Variants in DLGAP1 observed in about 807,000 individuals in gnomAD.
The protein encoded by DLGAP1 is DLG associated protein 1.
A neutral mutation model predicts 90.8 loss-of-function variants in DLGAP1; 11 were observed. The ratio of observed to expected loss-of-function variants is 0.12; its 90% CI spans 0.08 to 0.20. The LOEUF (loss-of-function observed/expected upper bound fraction) is 0.20. Among genes scored for constraint, DLGAP1 ranks in the 10% least tolerant of loss-of-function variants. DLGAP1 has a pLI of 1.00. For synonymous variants in DLGAP1, 558 were observed against 540.7 expected (o/e 1.03, Z -0.44); for missense variants, 1,050 against 1,333.8 (o/e 0.79, Z 3.31).
At chr18:4,175,700 T>C (rs1015611284) in intron 1 of DLGAP1, among the ~76,000 whole-genome samples, 1 of 152,192 alleles carries the variant, frequency 6.6e-6, no homozygotes, top group Non-Finnish European at 1.5e-5. Context: ...CTTGTTTTTG[T>C]CAGGTTTGTC....
intron 7 of DLGAP1, chr18:3,596,815 C>T (rs374271910): frequency 4.2e-5 from 22 of 519,652 alleles, no homozygotes; most frequent in Non-Finnish European, 7.7e-5. Flanking sequence ...CAAAGCCATT[C>T]GCTGTGATCT....
chr18:4,081,245 G>A (rs766883693), intron 2 of DLGAP1, among the ~76,000 whole-genome samples: 4 of 151,608 alleles, frequency 2.6e-5, no homozygotes, highest in Non-Finnish European at 5.9e-5. Flanking sequence ...AACCCAGGCG[G>A]CGGAGGTTGT....
At chr18:4,353,494 T>A (rs1395748937) in intron 1 of DLGAP1, among the ~76,000 whole-genome samples, 1 of 152,186 alleles carries the variant, frequency 6.6e-6, no homozygotes, top group Non-Finnish European at 1.5e-5. Flanking sequence ...AGTTTTACGG[T>A]CTGGCTTTCT....
chr18:3,663,686 C>G (rs1203883217), intron 7 of DLGAP1, among the ~76,000 whole-genome samples: 1 of 152,194 alleles, frequency 6.6e-6, no homozygotes, highest in African/African-American at 2.4e-5. Flanking sequence ...CATATTGCTA[C>G]TGATCAGGAG....
intron 2 of DLGAP1, among the ~76,000 whole-genome samples, chr18:4,037,270 T>C (rs937998041): frequency 3.9e-5 from 6 of 152,172 alleles, no homozygotes; most frequent in African/African-American, 1.4e-4. Flanking sequence ...ATAATTAATA[T>C]TATTAATATG....
intron 1 of DLGAP1, among the ~76,000 whole-genome samples, chr18:4,250,242 C>T (rs1332636285): frequency 6.6e-6 from 1 of 152,138 alleles, no homozygotes; most frequent in Non-Finnish European, 1.5e-5. Flanking sequence ...AAACAGAAGG[C>T]CTTATTAACC....
chr18:3,602,842 A>T (rs2057136806), intron 7 of DLGAP1, among the ~76,000 whole-genome samples: 1 of 152,156 alleles, frequency 6.6e-6, no homozygotes, highest in African/African-American at 2.4e-5. Flanking sequence ...TGAAAAAGCA[A>T]CTATAAATAC....
chr18:3,503,642 C>T lies in DLGAP1; in HGVS notation c.2572-997G>A, dbSNP rs375991096. ...TGGACAGACTGTGAAACTCCATGTCCTATGATAACACGAGGCCAGTGTATG... is the reference window on the plus strand; with the variant it reads ...TGGACAGACTGTGAAACTCCATGTCTTATGATAACACGAGGCCAGTGTATG... On this transcript the variant is annotated intron_variant, in intron 11 of 12. Transcript: ENST00000315677. Among the ~76,000 whole-genome samples, 3 of 152,188 alleles carry T rather than the reference C, an allele frequency of 2.0e-5. No individual in the cohort carries two copies. The South Asian group carries it at 6.2e-4, about 31-fold the overall frequency.
At position 3,820,366 on chromosome 18, in the gene DLGAP1, A is replaced by G. The variant is rs12604405; in HGVS notation, c.958-6093T>C. Among the ~76,000 whole-genome samples the G allele has an allele frequency of 7.4e-3, 1,133 of 152,354 alleles. 69 individuals carry two copies. In the East Asian group the frequency reaches 0.16, roughly 21 times the overall value. On this transcript the variant is annotated intron_variant, in intron 4 of 12. Coordinates refer to ENST00000315677, the MANE Select transcript of DLGAP1 (RefSeq NM_004746.4). Reference sequence around the variant, plus strand: ...CTGATGAACCCAAGGCTGTGAGTACATAAAGCAAAGTTCTATTTCATCAGG... The same window carrying G: ...CTGATGAACCCAAGGCTGTGAGTACGTAAAGCAAAGTTCTATTTCATCAGG...
At chr18:3,634,938 G>A (rs1382357578) in intron 7 of DLGAP1, among the ~76,000 whole-genome samples, 2 of 152,120 alleles carry the variant, frequency 1.3e-5, no homozygotes, top group African/African-American at 2.4e-5. Context: ...TACATGAGGC[G>A]TGTTGAATAA....
intron 7 of DLGAP1, chr18:3,594,305 T>A (rs2056449187): frequency 6.6e-6 from 1 of 152,102 alleles, no homozygotes; most frequent in Admixed American, 6.6e-5. Flanking sequence ...AAATGGACTT[T>A]TTTTTAAAGC....
At chr18:3,762,952 C>T (rs1202168597) in intron 5 of DLGAP1, among the ~76,000 whole-genome samples, 2 of 152,198 alleles carry the variant, frequency 1.3e-5, no homozygotes, top group Non-Finnish European at 2.9e-5. Context: ...TTATCATCCA[C>T]ATTCTGTAGG....
At chr18:3,906,850 C>T (rs2071918332) in intron 3 of DLGAP1, among the ~76,000 whole-genome samples, 1 of 152,138 alleles carries the variant, frequency 6.6e-6, no homozygotes, top group Admixed American at 6.5e-5. Context: ...AGAAAGAGAA[C>T]TTGGAACTCC....
intron 3 of DLGAP1, among the ~76,000 whole-genome samples, chr18:3,883,950 C>T (rs2071244820): frequency 6.6e-6 from 1 of 152,124 alleles, no homozygotes; most frequent in South Asian, 2.1e-4. Flanking sequence ...CTACAGGATG[C>T]TTAGACAGAG....
chr18:4,229,794 T>A (rs970079138), intron 1 of DLGAP1, among the ~76,000 whole-genome samples: 27 of 152,192 alleles, frequency 1.8e-4, no homozygotes, highest in Admixed American at 1.4e-3. Flanking sequence ...AGTGGACAGA[T>A]GGGATTACAT....
intron 1 of DLGAP1, among the ~76,000 whole-genome samples, chr18:4,181,496 G>A (rs530584579): frequency 2.6e-5 from 4 of 152,250 alleles, no homozygotes; most frequent in African/African-American, 9.6e-5. Context: ...CGTGATAGGA[G>A]TCAATACCTC....
intron 2 of DLGAP1, among the ~76,000 whole-genome samples, chr18:4,103,540 A>G (rs1029167551): frequency 1.3e-5 from 2 of 152,178 alleles, no homozygotes; most frequent in Non-Finnish European, 2.9e-5. Context: ...AGTCCTACAT[A>G]GATAATAATA....
At chr18:3,842,133 A>T (rs1454739231) in intron 4 of DLGAP1, among the ~76,000 whole-genome samples, 4 of 133,540 alleles carry the variant, frequency 3.0e-5, no homozygotes, top group East Asian at 4.6e-4. Flanking sequence ...TGAGGGGTGG[A>T]GGGGGTTGTA....
At chr18:3,582,379 T>C (rs1464323750) in intron 7 of DLGAP1, 131 bp from the exon 8 acceptor site, 2 of 1,408,596 alleles carry the variant, frequency 1.4e-6, no homozygotes, top group East Asian at 2.4e-5. Context: ...ACAAGTTCCA[T>C]TGACAGGCTG....
Sources: allele counts gnomAD v4.1 joint callset (sites outside exome capture counted in the v4.1 genomes callset), GRCh38; gene constraint gnomAD v4.1.1; transcripts MANE v1.5; gene names NCBI Gene and HGNC (gene_info 2026-07-23, HGNC 2026-07-21).